Variants in NGF observed in about 807,000 individuals in gnomAD.
NGF encodes the protein nerve growth factor, also known as beta-nerve growth factor.
A neutral mutation model predicts 12.8 loss-of-function variants in NGF; 4 were observed. That is an observed-to-expected ratio of 0.31 (90% CI 0.15 to 0.72). The LOEUF (loss-of-function observed/expected upper bound fraction) is 0.72. NGF is among the 30% of genes least tolerant of loss of function. The probability of loss-of-function intolerance (pLI) is 0.69; values close to 1 mark genes in which losing one functional copy is unlikely to be tolerated. For synonymous variants in NGF, 140 were observed against 130.0 expected, an observed-to-expected ratio of 1.08 and a Z score of -0.52; for missense variants, 283 against 330.8, an observed-to-expected ratio of 0.86 and a Z score of 1.12.
At chr1:115,319,810 C>T (rs1015064968) in intron 1 of NGF, among the ~76,000 whole-genome samples, 5 of 152,170 alleles carry the variant, frequency 3.3e-5, no homozygotes, top group Non-Finnish European at 5.9e-5. Flanking sequence ...AGAACAATGT[C>T]AGCCTAGCAG....
At chr1:115,295,784 T>C (rs1402653923) in intron 1 of NGF, among the ~76,000 whole-genome samples, 2 of 152,164 alleles carry the variant, frequency 1.3e-5, no homozygotes, top group East Asian at 3.9e-4. Context: ...GCATTGCTAC[T>C]AGATGCTTAA....
rs184013919 is a variant in NGF at position 115,327,074 on chromosome 1, T to C, written c.-137+11130A>G. Among the ~76,000 whole-genome samples, 145 of 152,312 alleles carry C rather than the reference T, an allele frequency of 9.5e-4. 1 individual carries two copies. Among genetic ancestry groups the C allele is most frequent in the African/African-American group, 3.2e-3 (135 of 41,556 alleles). On this transcript the variant is annotated intron_variant, in intron 1 of 2. Transcript: ENST00000369512. The stretch of plus-strand genomic sequence containing the variant: ...AATCTATCCCTGACTTAGCCATTAG[T>C]TTTTATTTCTTACATAATAACTTTC...
intron 1 of NGF, among the ~76,000 whole-genome samples, chr1:115,319,639 A>T (rs1473118367): frequency 6.6e-6 from 1 of 152,190 alleles, no homozygotes; most frequent in Non-Finnish European, 1.5e-5. Context: ...TGACAAAATC[A>T]TACATAGTAT....
At chr1:115,288,923 C>A (rs1653600376) in intron 2 of NGF, among the ~76,000 whole-genome samples, 1 of 152,204 alleles carries the variant, frequency 6.6e-6, no homozygotes, top group Non-Finnish European at 1.5e-5. Flanking sequence ...TGTTTTAAGG[C>A]AACACATTCT....
intron 1 of NGF, among the ~76,000 whole-genome samples, chr1:115,300,660 C>G (rs1033524004): frequency 6.6e-6 from 1 of 152,220 alleles, no homozygotes; most frequent in African/African-American, 2.4e-5. Context: ...TGTCTGCTGA[C>G]TTCACACCCA....
At chr1:115,311,558 A>T (rs1038244411) in intron 1 of NGF, among the ~76,000 whole-genome samples, 5 of 152,222 alleles carry the variant, frequency 3.3e-5, no homozygotes, top group African/African-American at 1.2e-4. Context: ...AGGATGATGC[A>T]CACTTGCTAT....
chr1:115,323,644 C>A (rs1023052767), intron 1 of NGF, among the ~76,000 whole-genome samples: 3 of 152,202 alleles, frequency 2.0e-5, no homozygotes, highest in Admixed American at 1.3e-4. Context: ...AATTTCATCA[C>A]CATTATATCA....
intron 1 of NGF, among the ~76,000 whole-genome samples, chr1:115,296,784 G>A (rs1019373205): frequency 2.0e-5 from 3 of 152,200 alleles, no homozygotes; most frequent in African/African-American, 7.2e-5. Flanking sequence ...GTCTCATGCT[G>A]ATGAAGGTTG....
At chr1:115,294,937 A>G (rs1014085758) in intron 1 of NGF, among the ~76,000 whole-genome samples, 1 of 152,240 alleles carries the variant, frequency 6.6e-6, no homozygotes, top group Non-Finnish European at 1.5e-5. Context: ...ATATTTACGG[A>G]TAAATGAATG....
chr1:115,286,966 A>T (rs1275302239), intron 2 of NGF, among the ~76,000 whole-genome samples, 159 bp from the exon 3 acceptor site: 2 of 152,092 alleles, frequency 1.3e-5, no homozygotes, highest in Non-Finnish European at 2.9e-5. Flanking sequence ...AGCAATGGTT[A>T]TACCGGGACA....
chr1:115,307,733 A>G (rs532880954), intron 1 of NGF, among the ~76,000 whole-genome samples: 122 of 152,366 alleles, frequency 8.0e-4, no homozygotes, highest in Admixed American at 2.0e-3. Context: ...AAACATTTCA[A>G]ATATAAGCTC....
At chr1:115,290,240 CT>C (rs1653643827) in intron 2 of NGF, among the ~76,000 whole-genome samples, 1 of 152,132 alleles carries the variant, frequency 6.6e-6, no homozygotes, top group Admixed American at 6.5e-5. Context: ...AGACTCTTCC[CT>C]TCCAGGTATG....
At chr1:115,290,503 C>G (rs1653660721) in intron 2 of NGF, among the ~76,000 whole-genome samples, 1 of 145,394 alleles carries the variant, frequency 6.9e-6, no homozygotes, top group African/African-American at 2.5e-5. Flanking sequence ...TCAAACAAGT[C>G]TCCTGCCTCA....
chr1:115,318,495 G>A (rs187696202), intron 1 of NGF, among the ~76,000 whole-genome samples: 2 of 152,312 alleles, frequency 1.3e-5, no homozygotes, highest in African/African-American at 2.4e-5. Context: ...AGCATAGGGC[G>A]AAGGAGGAAG....
At chr1:115,336,348 G>A (rs369790794) in intron 1 of NGF, among the ~76,000 whole-genome samples, 1 of 152,140 alleles carries the variant, frequency 6.6e-6, no homozygotes, top group Non-Finnish European at 1.5e-5. Context: ...CCCATTTTTG[G>A]TGCTTCCTTT....
chr1:115,293,840 T>A (rs892576092), intron 1 of NGF, 90 bp from the exon 2 acceptor site: 1 of 152,608 alleles, frequency 6.6e-6, no homozygotes, highest in Non-Finnish European at 1.5e-5. Flanking sequence ...TAGGACAAAT[T>A]CCATTTCCTT....
chr1:115,337,265 TTG>T (rs1557950758), intron 1 of NGF, among the ~76,000 whole-genome samples: 28 of 81,838 alleles, frequency 3.4e-4, no homozygotes, highest in African/African-American at 1.5e-3. Flanking sequence ...TGTTTTGTTT[TTG>T]TTTTTTTTTT....
chr1:115,317,607 G>A (rs933930443), intron 1 of NGF, among the ~76,000 whole-genome samples: 8 of 152,212 alleles, frequency 5.3e-5, no homozygotes, highest in East Asian at 1.9e-4. Context: ...TGTCACCCAC[G>A]TATTTGGGGA....
At chr1:115,296,776 CTCA>C (rs1653883771) in intron 1 of NGF, among the ~76,000 whole-genome samples, 11 of 152,190 alleles carry the variant, frequency 7.2e-5, no homozygotes, top group Admixed American at 7.2e-4. Context: ...TGTTTTTAGT[CTCA>C]TGCTGATGAA....
Sources: allele counts gnomAD v4.1 joint callset (sites outside exome capture counted in the v4.1 genomes callset), GRCh38; gene constraint gnomAD v4.1.1; transcripts MANE v1.5; gene names NCBI Gene and HGNC (gene_info 2026-07-23, HGNC 2026-07-21).